The following ERBB4 variants were observed in gnomAD, a reference collection of about 807,000 sequenced individuals.
ERBB4 encodes the protein erb-b2 receptor tyrosine kinase 4, also known as receptor tyrosine-protein kinase erbB-4.
A neutral mutation model predicts 158.0 loss-of-function variants in ERBB4; 42 were observed. The observed-to-expected ratio is 0.27, with a 90% CI of 0.21 to 0.34. ERBB4 has a LOEUF of 0.34. ERBB4 is among the 10% of genes least tolerant of loss of function. The pLI, the probability that ERBB4 is intolerant of heterozygous loss-of-function variation, is 1.00. For missense variants in ERBB4, 1,333 were observed against 1,624.1 expected (o/e 0.82, Z 3.08); for synonymous variants, 583 against 558.7 (o/e 1.04, Z -0.61).
intron 2 of ERBB4, among the ~76,000 whole-genome samples, chr2:212,109,755 G>C (rs1025740478): frequency 6.6e-6 from 1 of 152,146 alleles, no homozygotes; most frequent in Admixed American, 6.6e-5. Flanking sequence ...AAGCAAGAGC[G>C]TGATCAAACA....
chr2:212,425,136 GA>G (rs1184673196), intron 1 of ERBB4, among the ~76,000 whole-genome samples: 1 of 151,334 alleles, frequency 6.6e-6, no homozygotes, highest in Non-Finnish European at 1.5e-5. Context: ...CTAAAGTCAA[GA>G]ATTTAATTTA....
At chr2:211,515,885 A>G (rs2066008857) in intron 20 of ERBB4, among the ~76,000 whole-genome samples, 1 of 132,376 alleles carries the variant, frequency 7.6e-6, no homozygotes, top group Non-Finnish European at 1.6e-5. Context: ...TAACTTATAT[A>G]AAAACATATA....
chr2:211,946,912 G>A (rs2080714855), intron 3 of ERBB4, among the ~76,000 whole-genome samples: 1 of 151,926 alleles, frequency 6.6e-6, no homozygotes. Context: ...ATGATCTGAT[G>A]TTATTGAAGT....
chr2:212,275,897 G>T (rs2106133088), intron 1 of ERBB4, among the ~76,000 whole-genome samples: 1 of 151,964 alleles, frequency 6.6e-6, no homozygotes, highest in East Asian at 1.9e-4. Flanking sequence ...TGGATGAAAA[G>T]TCAAGACCCA....
At chr2:211,705,057 A>C (rs938431570) in intron 10 of ERBB4, among the ~76,000 whole-genome samples, 3 of 152,148 alleles carry the variant, frequency 2.0e-5, no homozygotes, top group Admixed American at 6.5e-5. Context: ...CCTGGGTTCA[A>C]GCAATTCTCC....
Position 212,277,905 on chromosome 2 carries a change from T to C in ERBB4, c.83-153002A>G, listed in dbSNP as rs80326718. ...TTCAGGTTATATTTTGGAAATTACA[T>C]ACTTTTTTATTTTAAACCATTGCAA... On this transcript the variant is annotated intron_variant, in intron 1 of 27. Coordinates refer to ENST00000342788, the MANE Select transcript of ERBB4 (RefSeq NM_005235.3). 5.7e-3 allele frequency among the ~76,000 whole-genome samples: 870 copies of C among 151,810 alleles called. 13 individuals are homozygous for C. The highest frequency in any genetic ancestry group is 0.019 in the African/African-American group (769 of 41,486).
intron 1 of ERBB4, among the ~76,000 whole-genome samples, chr2:212,524,838 AATT>A (rs1692360777): frequency 6.6e-6 from 1 of 152,062 alleles, no homozygotes; most frequent in Non-Finnish European, 1.5e-5. Context: ...CTTATGGAAA[AATT>A]ATTTTTATAT....
In ERBB4 at chr2:211,790,805, T is replaced by G. The variant is rs10200719; in HGVS notation, c.422-2646A>C. Among the ~76,000 whole-genome samples, 428 of 152,064 alleles carry G rather than the reference T, an allele frequency of 2.8e-3. 2 individuals are homozygous for G. The highest frequency in any genetic ancestry group is 0.01 in the African/African-American group (420 of 41,552). The stretch of plus-strand genomic sequence containing the variant: ...TTGTTTTCCTTGAAAATATTCTTTT[T>G]TCCTTTATGTTTGGTATACACCCTA... On this transcript the variant is annotated intron_variant, in intron 3 of 27. Coordinates refer to ENST00000342788, the MANE Select transcript of ERBB4 (RefSeq NM_005235.3).
intron 16 of ERBB4, among the ~76,000 whole-genome samples, chr2:211,640,189 G>T (rs2125892116): frequency 6.6e-6 from 1 of 152,128 alleles, no homozygotes; most frequent in South Asian, 2.1e-4. Flanking sequence ...AACAAAGAGG[G>T]ATTAAGGAAG....
chr2:211,476,866 A>G (rs1169692092), intron 20 of ERBB4, among the ~76,000 whole-genome samples: 1 of 152,132 alleles, frequency 6.6e-6, no homozygotes, highest in Non-Finnish European at 1.5e-5. Flanking sequence ...AATTACACCT[A>G]TGGGAAACTC....
chr2:211,834,184 G>C (rs1202818942), intron 3 of ERBB4, among the ~76,000 whole-genome samples: 4 of 152,086 alleles, frequency 2.6e-5, no homozygotes, highest in African/African-American at 9.7e-5. Context: ...TAACACAATT[G>C]AAATAGGCTA....
At chr2:211,560,607 G>A (rs55962672) in intron 20 of ERBB4, among the ~76,000 whole-genome samples, 1 of 151,954 alleles carries the variant, frequency 6.6e-6, no homozygotes, top group Non-Finnish European at 1.5e-5. Flanking sequence ...TATAGTCCTA[G>A]AATGATTTGA....
At chr2:211,407,039 C>G (rs923393197) in intron 25 of ERBB4, among the ~76,000 whole-genome samples, 65 of 152,126 alleles carry the variant, frequency 4.3e-4, no homozygotes, top group African/African-American at 1.5e-3. Context: ...GAGATCACCC[C>G]ACTGTACTCT....
chr2:211,908,902 A>C (rs554074420), intron 3 of ERBB4, among the ~76,000 whole-genome samples: 1 of 151,774 alleles, frequency 6.6e-6, no homozygotes, highest in Non-Finnish European at 1.5e-5. Context: ...AAATTAATAT[A>C]TATTATAAGC....
intron 16 of ERBB4, among the ~76,000 whole-genome samples, chr2:211,642,457 A>G (rs956817171): frequency 6.6e-6 from 1 of 152,042 alleles, no homozygotes; most frequent in Non-Finnish European, 1.5e-5. Context: ...ACCTCTAAAT[A>G]TAGGAAAGCC....
intron 2 of ERBB4, among the ~76,000 whole-genome samples, chr2:212,121,665 T>C (rs1272876422): frequency 6.6e-6 from 1 of 152,242 alleles, no homozygotes; most frequent in Non-Finnish European, 1.5e-5. Context: ...TGGAGTATTC[T>C]ATTTCACCTG....
intron 1 of ERBB4, among the ~76,000 whole-genome samples, chr2:212,361,552 C>T (rs1209262531): frequency 6.6e-6 from 1 of 151,626 alleles, no homozygotes; most frequent in African/African-American, 2.4e-5. Context: ...TCTTACTACT[C>T]AGACATATGT....
chr2:212,415,420 GTTTGTGTGTGTCAC>G (rs1286397186), intron 1 of ERBB4, among the ~76,000 whole-genome samples: 1 of 152,080 alleles, frequency 6.6e-6, no homozygotes, highest in Non-Finnish European at 1.5e-5. Context: ...ATAGGGCTCT[GTTTGTGTGTGTCAC>G]TTATTTTGGC....
intron 2 of ERBB4, among the ~76,000 whole-genome samples, chr2:211,972,701 T>C (rs1429302621): frequency 6.6e-6 from 1 of 152,202 alleles, no homozygotes; most frequent in Non-Finnish European, 1.5e-5. Context: ...TGGCCAGCCA[T>C]ATGTAGAAGA....
Sources: gnomAD v4.1 joint callset for allele counts (sites outside exome capture counted in the v4.1 genomes callset) on GRCh38, gnomAD v4.1.1 for gene constraint, MANE v1.5 for transcripts, NCBI Gene and HGNC (gene_info 2026-07-23, HGNC 2026-07-21) for gene names.